Variants in ULK2 observed in about 807,000 individuals in gnomAD.
ULK2 encodes the protein serine/threonine-protein kinase ULK2.
A neutral mutation model predicts 127.5 loss-of-function variants in ULK2; 76 were observed. The ratio of observed to expected loss-of-function variants is 0.60; its 90% CI spans 0.50 to 0.72. The LOEUF (loss-of-function observed/expected upper bound fraction) is 0.72. ULK2 is among the 30% of genes least tolerant of loss of function. ULK2 has a pLI of 0.00. For missense variants in ULK2, 1,144 were observed against 1,295.9 expected (o/e 0.88, Z 1.80); for synonymous variants, 452 against 461.9 (o/e 0.98, Z 0.28).
At chr17:19,838,424 A>G in intron 10 of ULK2, 77 bp downstream of exon 10, 1 of 1,283,252 alleles carries the variant, frequency 7.8e-7, no homozygotes, top group Non-Finnish European at 1.1e-6. Context: ...AATTTTCTGA[A>G]ATCTCTAGTT....
chr17:19,777,992 T>C (rs1456092930), intron 25 of ULK2, among the ~76,000 whole-genome samples: 1 of 152,226 alleles, frequency 6.6e-6, no homozygotes, highest in East Asian at 1.9e-4. Flanking sequence ...ACTGGCTCTT[T>C]TATGACTTCA....
intron 8 of ULK2, among the ~76,000 whole-genome samples, chr17:19,842,658 G>A (rs1289835700): frequency 6.6e-6 from 1 of 152,108 alleles, no homozygotes; most frequent in African/African-American, 2.4e-5. Context: ...TTGGCAGGAT[G>A]TTGGGGGAGA....
In ULK2 at chr17:19,780,391, T is replaced by C. The variant is rs143316436; in HGVS notation, c.2916+81A>G. On this transcript the variant is annotated intron_variant, in intron 25 of 26. Transcript: ENST00000395544. ...CTTGAGACATTATCTTTTAAAAGGA[T>C]AGCTGTCATATAGATATTCAATTAA... 5.6e-4 allele frequency: 708 copies of C among 1,265,138 alleles called. 4 individuals are homozygous for C. In the African/African-American group the frequency reaches 9.2e-3, roughly 16 times the overall value. The allele number at this position is 1,265,138 out of a possible 1,614,324, so 78.4% of individuals were successfully genotyped here. A position where few individuals can be genotyped will look rare whatever the true frequency, so the allele number is the denominator to read the frequency against.
At chr17:19,782,530 T>C (rs1018714701) in intron 22 of ULK2, among the ~76,000 whole-genome samples, 2 of 152,072 alleles carry the variant, frequency 1.3e-5, no homozygotes, top group African/African-American at 4.8e-5. Flanking sequence ...TGATTACTAA[T>C]ACCAAAGCTC....
chr17:19,784,890 T>G (rs933766389), intron 21 of ULK2, among the ~76,000 whole-genome samples: 1 of 152,138 alleles, frequency 6.6e-6, no homozygotes, highest in African/African-American at 2.4e-5. Context: ...TTTCGTAAAA[T>G]GGTATTTTCT....
intron 25 of ULK2, 84 bp from the exon 26 acceptor site, chr17:19,777,800 A>C: frequency 6.8e-7 from 1 of 1,474,092 alleles, no homozygotes; most frequent in East Asian, 2.4e-5. Flanking sequence ...TTTAAATGGA[A>C]TCCACCTAAA....
chr17:19,797,649 G>A lies in ULK2; in HGVS notation c.1556C>T (p.Ser519Phe). The part of the protein sequence containing the change: ...SPVPQAQSPQ[S>F]LLSGARLQSA... ...CTGCAGTCTAGCACCCGATAAGAGAGACTGTGGGGACTGAGCTTGTGGCAC... is the reference window on the plus strand; with the variant it reads ...CTGCAGTCTAGCACCCGATAAGAGAAACTGTGGGGACTGAGCTTGTGGCAC... The change falls in exon 18 of 27, where the codon TCT becomes TTT. Residue 519 changes from serine (S) to phenylalanine (F), a missense_variant. Around this residue, in one of 2 missense-constraint regions of ULK2, gnomAD observed 913 missense variants for 970.5 expected, o/e 0.94. Coordinates refer to ENST00000395544, the MANE Select transcript of ULK2 (RefSeq NM_014683.4). 2 of 1,567,240 alleles carry A rather than the reference G, an allele frequency of 1.3e-6. No individual in the cohort carries two copies. The highest frequency in any genetic ancestry group is 1.7e-6 in the Non-Finnish European group (2 of 1,155,546).
intron 14 of ULK2, among the ~76,000 whole-genome samples, chr17:19,805,054 TATA>T (rs66516071): frequency 0.85 from 128,975 of 151,844 alleles, 56,185 homozygotes; most frequent in Non-Finnish European, 0.95. Context: ...GACTAAGAAT[TATA>T]ATAACCTGGA....
chr17:19,804,736 T>C lies in ULK2; in HGVS notation c.1252A>G (p.Thr418Ala). Residue 418 changes from threonine to alanine, a missense_variant, in exon 15 of 27, where the codon ACA (threonine) becomes GCA (alanine). Physicochemically the swap from Thr to Ala is moderately conservative, Grantham distance 58. Transcript: ENST00000395544. ...TTTGTGCCTGAGCTGGCAGTAGATGTAAGATTCTGCTCTATGCGCTGATAA... is the reference window on the plus strand; with the variant it reads ...TTTGTGCCTGAGCTGGCAGTAGATGCAAGATTCTGCTCTATGCGCTGATAA... Reference protein sequence around the residue: ...RNYQRIEQNLTSTASSGTNVH... With the variant: ...RNYQRIEQNLASTASSGTNVH... 6.2e-7 allele frequency: 1 copy of C among 1,609,954 alleles called. No homozygotes were observed. Among genetic ancestry groups the C allele is most frequent in the Non-Finnish European group, 8.5e-7 (1 of 1,177,692 alleles).
rs145578433 is a variant in ULK2, at chr17:19,861,272, C to T, written c.225+3531G>A. On this transcript the variant is annotated intron_variant, in intron 3 of 26. Coordinates refer to ENST00000395544, the MANE Select transcript of ULK2 (RefSeq NM_014683.4). ...AGAAAATAATCTAAGCAAGGCCGGG[C>T]GCGGTGGCTCACGCCTGTTATCCCA... Among the ~76,000 whole-genome samples, 1,294 of 152,220 alleles carry T rather than the reference C, an allele frequency of 8.5e-3. 4 individuals are homozygous for T. Among genetic ancestry groups the T allele is most frequent in the Non-Finnish European group, 0.013 (883 of 68,014 alleles).
intron 16 of ULK2, among the ~76,000 whole-genome samples, chr17:19,800,955 A>G (rs1181348699): frequency 1.3e-5 from 2 of 151,996 alleles, no homozygotes; most frequent in African/African-American, 4.8e-5. Context: ...TCCTTTTGGT[A>G]GGGTTTTTGT....
intron 9 of ULK2, among the ~76,000 whole-genome samples, chr17:19,839,299 G>A (rs1451288700): frequency 2.6e-5 from 4 of 152,144 alleles, no homozygotes; most frequent in Non-Finnish European, 5.9e-5. Flanking sequence ...CCTAACATCC[G>A]ATATGAAAAC....
chr17:19,845,071 A>C (rs138163387), intron 7 of ULK2, among the ~76,000 whole-genome samples: 2 of 152,334 alleles, frequency 1.3e-5, no homozygotes, highest in African/African-American at 4.8e-5. Context: ...TCTCATAACT[A>C]ATCTTTTTTA....
intron 18 of ULK2, among the ~76,000 whole-genome samples, chr17:19,796,624 C>G (rs1357742473): frequency 6.6e-6 from 1 of 152,178 alleles, no homozygotes; most frequent in Non-Finnish European, 1.5e-5. Flanking sequence ...TATGTTGACT[C>G]AAGGCCTTTG....
chr17:19,842,092 A>T (rs1388466783), intron 8 of ULK2, among the ~76,000 whole-genome samples: 1 of 152,202 alleles, frequency 6.6e-6, no homozygotes, highest in South Asian at 2.1e-4. Flanking sequence ...CAAATAGCTG[A>T]TAACAACAGC....
intron 13 of ULK2, among the ~76,000 whole-genome samples, chr17:19,815,954 C>T (rs1338710850): frequency 6.6e-6 from 1 of 152,180 alleles, no homozygotes; most frequent in African/African-American, 2.4e-5. Flanking sequence ...TATAAACTGC[C>T]ATGGCACTGC....
rs2042391908 is a variant in ULK2, at chr17:19,867,901, A to C, written c.-484T>G. 6.6e-6 allele frequency: 1 copy of C among 150,900 alleles called. No homozygotes were observed. The highest frequency in any genetic ancestry group is 6.6e-5 in the Admixed American group (1 of 15,144). 9.3% of individuals were successfully genotyped at this position (150,900 alleles called of 1,614,324 possible). A position where few individuals can be genotyped will look rare whatever the true frequency, so the allele number is the denominator to read the frequency against. ...GCTTCCCCGCCTCGCGGCGGCGCCCAACGCCCTCGCGCGCGCTACCCGCTC... is the reference window on the plus strand; with the variant it reads ...GCTTCCCCGCCTCGCGGCGGCGCCCCACGCCCTCGCGCGCGCTACCCGCTC... On this transcript the variant is annotated 5_prime_UTR_variant, in exon 1 of 27. Transcript: ENST00000395544.
At chr17:19,823,759 G>A (rs934756246) in intron 12 of ULK2, among the ~76,000 whole-genome samples, 17 of 152,262 alleles carry the variant, frequency 1.1e-4, no homozygotes, top group African/African-American at 3.9e-4. Context: ...TGGTGCCAGC[G>A]TGTCTGGCTC....
At chr17:19,862,870 C>T (rs559547501) in intron 3 of ULK2, among the ~76,000 whole-genome samples, 1 of 152,258 alleles carries the variant, frequency 6.6e-6, no homozygotes, top group East Asian at 1.9e-4. Flanking sequence ...TATTCACTGC[C>T]TCATTCCCAG....
Sources: allele counts gnomAD v4.1 joint callset (sites outside exome capture counted in the v4.1 genomes callset), GRCh38; gene constraint gnomAD v4.1.1; regional missense constraint gnomAD v4.1.1; transcripts MANE v1.5; gene names NCBI Gene and HGNC (gene_info 2026-07-23, HGNC 2026-07-21).